Variants in ZNF410 observed in about 807,000 individuals in gnomAD.
ZNF410 encodes another partner for ARF 1.
ZNF410 carries 18 observed loss-of-function variants against 54.8 expected under a neutral mutation model. That is an observed-to-expected ratio of 0.33 (90% CI 0.23 to 0.49). ZNF410 has a LOEUF of 0.49. Among genes scored for constraint, ZNF410 ranks in the 20% least tolerant of loss-of-function variants. The pLI is 0.99. For missense variants in ZNF410, 405 were observed against 569.6 expected (o/e 0.71, Z 2.94); for synonymous variants, 191 against 207.3 (o/e 0.92, Z 0.68).
At chr14:73,916,400 T>G (rs1057060590) in intron 8 of ZNF410, 1 of 152,216 alleles carries the variant, frequency 6.6e-6, no homozygotes, top group African/African-American at 2.4e-5. Context: ...AGGCTGGTCT[T>G]GAACTCTTGG....
intron 8 of ZNF410, among the ~76,000 whole-genome samples, chr14:73,918,235 C>G (rs1470319312): frequency 6.6e-6 from 1 of 151,964 alleles, no homozygotes; most frequent in East Asian, 1.9e-4. Context: ...CTCAGCCTCC[C>G]AAGTAGCTGA....
intron 3 of ZNF410, among the ~76,000 whole-genome samples, chr14:73,894,881 G>A (rs2055290305): frequency 6.6e-6 from 1 of 152,184 alleles, no homozygotes; most frequent in Non-Finnish European, 1.5e-5. Flanking sequence ...GTTGAAGACA[G>A]GCCAGGTGTG....
At chr14:73,908,803 T>G (rs2055531488) in intron 7 of ZNF410, among the ~76,000 whole-genome samples, 1 of 151,688 alleles carries the variant, frequency 6.6e-6, no homozygotes, top group South Asian at 2.1e-4. Flanking sequence ...CACTAGTTTG[T>G]GACCCTTGGA....
chr14:73,925,403 C>T (rs982248204), intron 11 of ZNF410, among the ~76,000 whole-genome samples: 5 of 151,392 alleles, frequency 3.3e-5, no homozygotes, highest in East Asian at 1.9e-4. Context: ...CGGCTGAGAG[C>T]GGCAGCTCAC....
chr14:73,907,737 C>CA (rs1270188877), intron 7 of ZNF410, among the ~76,000 whole-genome samples: 4 of 151,088 alleles, frequency 2.6e-5, no homozygotes, highest in Non-Finnish European at 4.4e-5. Context: ...ACTAAAAATA[C>CA]AAAAATTAGC....
At chr14:73,893,478 T>C (rs2140294978) in intron 2 of ZNF410, 1 of 227,338 alleles carries the variant, frequency 4.4e-6, no homozygotes, top group South Asian at 8.2e-5. Context: ...TGAAGCACAG[T>C]GGTAAACATT....
At chr14:73,914,691 T>C (rs1037161775) in intron 8 of ZNF410, 2 of 144,118 alleles carry the variant, frequency 1.4e-5, no homozygotes, top group African/African-American at 5.2e-5. Flanking sequence ...TGCAATGGCG[T>C]AATCTGGGCT....
At chr14:73,904,187 G>T in intron 6 of ZNF410, 77 bp downstream of exon 6, 2 of 1,516,410 alleles carry the variant, frequency 1.3e-6, no homozygotes, top group South Asian at 1.3e-5. Context: ...TTGCCCCTCA[G>T]GTTGACAAAT....
At chr14:73,909,593 C>T in intron 8 of ZNF410, 163 bp downstream of exon 8, 21 of 514,392 alleles carry the variant, frequency 4.1e-5, no homozygotes, top group Non-Finnish European at 5.8e-5. Context: ...GCCCTTAATT[C>T]TTATAATCAA....
chr14:73,901,489 T>TCCG (rs2055405632), intron 5 of ZNF410, among the ~76,000 whole-genome samples: 2 of 152,220 alleles, frequency 1.3e-5, no homozygotes, highest in East Asian at 3.9e-4. Context: ...TCTTCATTCT[T>TCCG]GAGCAGGAGG....
chr14:73,925,333 A>T (rs1254142477), intron 11 of ZNF410, among the ~76,000 whole-genome samples: 17 of 151,830 alleles, frequency 1.1e-4, no homozygotes, highest in African/African-American at 4.1e-4. Context: ...TATTATGGAA[A>T]TTTTCAGAGT....
chr14:73,929,126 T>C (rs1032101970), intron 11 of ZNF410, among the ~76,000 whole-genome samples: 13 of 152,232 alleles, frequency 8.5e-5, no homozygotes, highest in African/African-American at 2.4e-5. Context: ...TTTACAAACA[T>C]ACCCTCTGTC....
intron 1 of ZNF410, among the ~76,000 whole-genome samples, chr14:73,891,327 G>C (rs190148918): frequency 2.5e-4 from 38 of 151,312 alleles, no homozygotes; most frequent in African/African-American, 8.4e-4. Context: ...TCAGTCACTT[G>C]TTGTTGCATT....
intron 5 of ZNF410, among the ~76,000 whole-genome samples, chr14:73,899,508 G>A (rs10483857): frequency 0.15 from 22,943 of 152,154 alleles, 2,242 homozygotes; most frequent in East Asian, 0.33. Context: ...GACCCTTAAA[G>A]TTCAGATTCT....
rs932039344 is a variant in ZNF410 at position 73,920,798 on chromosome 14, C to T, written c.1004-182C>T. The T allele has an allele frequency of 2.0e-5, 13 of 654,238 alleles. No homozygotes were observed. The African/African-American group carries it at 2.2e-4, about 11-fold the overall frequency. The allele number at this position is 654,238 out of a possible 1,614,324, so 40.5% of individuals were successfully genotyped here. The stretch of plus-strand genomic sequence containing the variant: ...GAGCAGGGAGTGTGCTAAAGCCCTC[C>T]TGGTGTACTCTTCCTGCCTTCCCCC... On this transcript the variant is annotated intron_variant, in intron 8 of 11. Transcript: ENST00000555044.
intron 9 of ZNF410, chr14:73,921,414 G>A (rs2055752605): frequency 4.4e-6 from 1 of 225,830 alleles, no homozygotes; most frequent in African/African-American, 2.3e-5. Context: ...ATGGTAACTA[G>A]TGCTGATCCA....
intron 7 of ZNF410, among the ~76,000 whole-genome samples, chr14:73,905,958 CACACACACACAT>C (rs1377348487): frequency 4.1e-4 from 9 of 21,950 alleles, no homozygotes; most frequent in Non-Finnish European, 8.9e-4. Context: ...CACACACACA[CACACACACACAT>C]ATATATATAT....
intron 2 of ZNF410, among the ~76,000 whole-genome samples, chr14:73,892,491 C>G (rs1454584496): frequency 6.6e-6 from 1 of 151,024 alleles, no homozygotes; most frequent in African/African-American, 2.4e-5. Context: ...TAAATATATA[C>G]ATAAATATGA....
chr14:73,893,693 G>T (rs1033827287), intron 2 of ZNF410, 104 bp from the exon 3 acceptor site: 10 of 1,291,808 alleles, frequency 7.7e-6, no homozygotes, highest in Middle Eastern at 2.0e-4. Context: ...TTTGAATATG[G>T]ATGAGACTAG....
Sources: gnomAD v4.1 joint callset for allele counts (sites outside exome capture counted in the v4.1 genomes callset) on GRCh38, gnomAD v4.1.1 for gene constraint, MANE v1.5 for transcripts, NCBI Gene and HGNC (gene_info 2026-07-23, HGNC 2026-07-21) for gene names.